RNF146: variants seen among roughly 807,000 people sequenced by gnomAD.
RNF146 encodes E3 ubiquitin-protein ligase RNF146.
A neutral mutation model predicts 29.7 loss-of-function variants in RNF146; 11 were observed. That is an observed-to-expected ratio of 0.37 (90% CI 0.23 to 0.61). The LOEUF (loss-of-function observed/expected upper bound fraction) is 0.61, where lower values mean the gene tolerates loss of function less well. RNF146 is among the 20% of genes least tolerant of loss of function. The pLI, the probability that RNF146 is intolerant of heterozygous loss-of-function variation, is 0.66. For synonymous variants in RNF146, 150 were observed against 159.7 expected (o/e 0.94, Z 0.46); for missense variants, 342 against 438.9 (o/e 0.78, Z 1.97).
intron 2 of RNF146, chr6:127,285,460 CATCTTT>C (rs1779385460): frequency 2.6e-6 from 1 of 379,062 alleles, no homozygotes; most frequent in Non-Finnish European, 3.6e-6. Context: ...CTGACATCTT[CATCTTT>C]ATTTCTCAGT....
Position 127,286,110 on chromosome 6 carries a change from AGCTTTAGTGATTACAAAGCACTTTTTTT to A in RNF146, c.3-504_3-477del. 8.1e-7 allele frequency: 1 copy of A among 1,229,690 alleles called. No individual in the cohort carries two copies. The allele number at this position is 1,229,690 out of a possible 1,614,324, so 76.2% of individuals were successfully genotyped here. On this transcript the variant is annotated intron_variant, in intron 2 of 2. Transcript: ENST00000368314. This position sits in a 1 kb window ranked among gnomAD's most constrained non-coding sequence, Gnocchi z 4.6. The stretch of plus-strand genomic sequence containing the variant: ...TCTTATATGATTGTTACCTTTATGA[AGCTTTAGTGATTACAAAGCACTTTTTTT>A]GTCCATTTTTACCTGAGCTTTGTAA...
chr6:127,269,919 T>C (rs1777222351), intron 1 of RNF146, among the ~76,000 whole-genome samples: 1 of 152,162 alleles, frequency 6.6e-6, no homozygotes, highest in Non-Finnish European at 1.5e-5. Context: ...GCAAAAATCT[T>C]ATTAAACATT....
Position 127,286,499 on chromosome 6 carries a change from C to T in RNF146, c.3-117C>T. ...ACTTTCATCTTCATATCCCCATTGTCTAGTATGTGGCTTGCATATAATGCA... is the reference window on the plus strand; with the variant it reads ...ACTTTCATCTTCATATCCCCATTGTTTAGTATGTGGCTTGCATATAATGCA... On this transcript the variant is annotated intron_variant, in intron 2 of 2. Transcript: ENST00000368314. This position sits in a 1 kb window ranked among gnomAD's most constrained non-coding sequence, Gnocchi z 4.6. 1 of 965,822 alleles carries T rather than the reference C, an allele frequency of 1.0e-6. No homozygotes were observed. Among genetic ancestry groups the T allele is most frequent in the Non-Finnish European group, 1.5e-6 (1 of 664,394 alleles). The allele number at this position is 965,822 out of a possible 1,614,324, so 59.8% of individuals were successfully genotyped here. A position where few individuals can be genotyped will look rare whatever the true frequency, so the allele number is the denominator to read the frequency against.
chr6:127,268,988 A>G (rs1777063312), intron 1 of RNF146, among the ~76,000 whole-genome samples: 1 of 152,228 alleles, frequency 6.6e-6, no homozygotes, highest in South Asian at 2.1e-4. Context: ...GGAAACATCT[A>G]ACAGCACTGA....
chr6:127,272,613 G>A lies in RNF146; in HGVS notation c.-109+5688G>A, dbSNP rs188442236. On this transcript the variant is annotated intron_variant, in intron 1 of 2. Transcript: ENST00000368314. ...GTCACTTTTATTGGTTGCATAAGAT[G>A]GCTAAATCTCAGCCAAGAAGAACCT... is the stretch of plus-strand genomic sequence containing the variant. 2.0e-5 allele frequency among the ~76,000 whole-genome samples: 3 copies of A among 152,246 alleles called. No homozygotes were observed. In the East Asian group the frequency reaches 5.8e-4, roughly 29 times the overall value.
At chr6:127,269,065 T>G (rs1173409055) in intron 1 of RNF146, among the ~76,000 whole-genome samples, 1 of 152,226 alleles carries the variant, frequency 6.6e-6, no homozygotes, top group Non-Finnish European at 1.5e-5. Flanking sequence ...CCTTTTCCAT[T>G]CTCTTGGTTG....
At position 127,267,964 on chromosome 6, in the gene RNF146, GTA is replaced by G. The variant is rs150333118; in HGVS notation, c.-109+1040_-109+1041del. ...CTCCACAGGTAAAACCTACAGGACT[GTA>G]AGTTTACACACACATCCTGGCAACT... On this transcript the variant is annotated intron_variant, in intron 1 of 2. Coordinates refer to ENST00000368314, the MANE Select transcript of RNF146 (RefSeq NM_001242850.2). Among the ~76,000 whole-genome samples the G allele has an allele frequency of 4.2e-4, 64 of 152,338 alleles. No individual in the cohort carries two copies. In the East Asian group the frequency reaches 0.011, roughly 27 times the overall value.
At chr6:127,277,793 A>G (rs1000369053) in intron 1 of RNF146, among the ~76,000 whole-genome samples, 23 of 152,184 alleles carry the variant, frequency 1.5e-4, no homozygotes, top group African/African-American at 5.3e-4. Flanking sequence ...TCTCTTGGCA[A>G]CACCCTCACA....
intron 1 of RNF146, among the ~76,000 whole-genome samples, chr6:127,276,171 TGA>T (rs200525603): frequency 0.016 from 2,440 of 151,830 alleles, 43 homozygotes; most frequent in Middle Eastern, 0.055. Context: ...TGTGTGTGTG[TGA>T]GAGAGTGAGA....
chr6:127,267,748 C>T (rs966993402), intron 1 of RNF146, among the ~76,000 whole-genome samples: 6 of 152,300 alleles, frequency 3.9e-5, no homozygotes, highest in Non-Finnish European at 8.8e-5. Flanking sequence ...CAGAATATCC[C>T]TTGAGCCTCC....
intron 1 of RNF146, among the ~76,000 whole-genome samples, chr6:127,277,330 A>G (rs1243039848): frequency 1.3e-5 from 2 of 151,986 alleles, no homozygotes; most frequent in Non-Finnish European, 2.9e-5. Flanking sequence ...CTTTGATGCC[A>G]TTGAAGTTGT....
chr6:127,285,275 A>T (rs934150712), intron 2 of RNF146: 1 of 985,148 alleles, frequency 1.0e-6, no homozygotes, highest in Non-Finnish European at 1.2e-6. Context: ...GTAAAAAGAA[A>T]AAAAAGGATT....
intron 1 of RNF146, among the ~76,000 whole-genome samples, chr6:127,268,958 A>G (rs1189483047): frequency 1.3e-5 from 2 of 152,196 alleles, no homozygotes; most frequent in Non-Finnish European, 2.9e-5. Flanking sequence ...ATTATTTTAT[A>G]TGTTAACCAT....
intron 2 of RNF146, among the ~76,000 whole-genome samples, chr6:127,284,738 A>G (rs954032992): frequency 6.6e-6 from 1 of 151,954 alleles, no homozygotes; most frequent in African/African-American, 2.4e-5. Flanking sequence ...GAAAGCTTTT[A>G]TAGTGCTTAA....
chr6:127,277,439 C>T (rs1404895672), intron 1 of RNF146, among the ~76,000 whole-genome samples: 1 of 151,862 alleles, frequency 6.6e-6, no homozygotes, highest in African/African-American at 2.4e-5. Context: ...ACTTAGAAAC[C>T]TTGTTTAGTC....
At chr6:127,272,467 G>A (rs1265877254) in intron 1 of RNF146, among the ~76,000 whole-genome samples, 1 of 152,118 alleles carries the variant, frequency 6.6e-6, no homozygotes, top group African/African-American at 2.4e-5. Context: ...TGAGGATATA[G>A]AAATTGAAAA....
chr6:127,278,079 C>G (rs1484517718), intron 1 of RNF146, among the ~76,000 whole-genome samples: 1 of 152,020 alleles, frequency 6.6e-6, no homozygotes, highest in Non-Finnish European at 1.5e-5. Context: ...GAAGTCTCCT[C>G]TATCTTGTGT....
At chr6:127,279,996 C>T (rs910524045) in intron 1 of RNF146, among the ~76,000 whole-genome samples, 14 of 151,692 alleles carry the variant, frequency 9.2e-5, no homozygotes, top group African/African-American at 3.1e-4. Flanking sequence ...GATCTTCTAT[C>T]TAGAGAGAAT....
intron 1 of RNF146, among the ~76,000 whole-genome samples, chr6:127,277,137 T>C (rs916792352): frequency 1.2e-3 from 186 of 152,034 alleles, no homozygotes; most frequent in African/African-American, 4.2e-3. Context: ...CCCTTACAGG[T>C]GGTGAGAGAG....
Sources: gnomAD v4.1 joint callset for allele counts (sites outside exome capture counted in the v4.1 genomes callset) on GRCh38, gnomAD v4.1.1 for gene constraint, Gnocchi (gnomAD v3.1) non-coding constraint, MANE v1.5 for transcripts, NCBI Gene and HGNC (gene_info 2026-07-23, HGNC 2026-07-21) for gene names.